KDM5B: variants seen among roughly 807,000 people sequenced by gnomAD.
The protein encoded by KDM5B is lysine-specific demethylase 5B.
In KDM5B, 144 loss-of-function variants were observed where a neutral mutation model predicts 193.4. The observed-to-expected ratio is 0.74, with a 90% CI of 0.65 to 0.86. The LOEUF (loss-of-function observed/expected upper bound fraction) is 0.86. Among genes scored for constraint, KDM5B ranks in the 40% least tolerant of loss-of-function variants. The pLI is 0.00. For synonymous variants in KDM5B, 668 were observed against 682.6 expected (o/e 0.98, Z 0.33); for missense variants, 1,833 against 1,886.9 (o/e 0.97, Z 0.53).
rs754814681 is a variant in KDM5B at position 202,741,494 on chromosome 1, G to A, written c.2818C>T (p.Arg940Cys). 38 of 1,614,092 alleles carry A rather than the reference G, an allele frequency of 2.4e-5. No individual in the cohort carries two copies. Among genetic ancestry groups the A allele is most frequent in the Middle Eastern group, 1.6e-4 (1 of 6,084 alleles). The change falls in exon 19 of 27, where the codon CGT becomes TGT. Residue 940 changes from arginine to cysteine, a missense_variant. Transcript: ENST00000367265. ...AGCCCTACCCCTAGGTCTATGAGAC[G>A]TCTCATATCATCTAAAGTAAGGGAG... ...PSSLTLDDMRRLIDLGVGLAP... is the reference protein window; with the variant it reads ...PSSLTLDDMRCLIDLGVGLAP...
chr1:202,779,260 C>G (rs1657092914), intron 1 of KDM5B, among the ~76,000 whole-genome samples: 1 of 152,054 alleles, frequency 6.6e-6, no homozygotes. Flanking sequence ...GTGACTCACG[C>G]CTGTAATCAC....
In KDM5B at chr1:202,762,775, G is replaced by C. The variant is rs1331329570; in HGVS notation, c.842C>G (p.Pro281Arg). The C allele has an allele frequency of 2.5e-6, 4 of 1,610,740 alleles. No individual in the cohort carries two copies. In the South Asian group the frequency reaches 4.4e-5, roughly 18 times the overall value. Residue 281 changes from proline (P) to arginine (R), a missense_variant, in exon 7 of 27, where the codon CCT (proline) becomes CGT (arginine). Physicochemically the swap from Pro to Arg is moderately radical, Grantham distance 103. Transcript: ENST00000367265. ...TACAATATAATCTTTCCTCTCAATA[G>C]GTTCTTGCTTGATGCTACTCTTCAT... ...KEMKSSIKQEPIERKDYIVEN... is the reference protein window; with the variant it reads ...KEMKSSIKQERIERKDYIVEN...
rs1655534939 is a variant in KDM5B, at chr1:202,745,925, T to A, written c.2256A>T (p.Ala752=). 6.2e-7 allele frequency: 1 copy of A among 1,613,890 alleles called. No homozygotes were observed. The highest frequency in any genetic ancestry group is 8.5e-7 in the Non-Finnish European group (1 of 1,179,846). Reference sequence around the variant, plus strand: ...TCAAGGCCCATTCGTTGTAAGATTCTGCTCGAAGCTTCAATGCATTCATCA... The same window carrying A: ...TCAAGGCCCATTCGTTGTAAGATTCAGCTCGAAGCTTCAATGCATTCATCA... ...YPMMNALKLR[A]ESYNEWALNV... The change falls in exon 16 of 27, where the codon GCA becomes GCT. Residue 752 remains alanine (A), a synonymous_variant. Coordinates refer to ENST00000367265, the MANE Select transcript of KDM5B (RefSeq NM_006618.5).
chr1:202,734,861 T>C (rs1207891152), intron 22 of KDM5B, among the ~76,000 whole-genome samples: 1 of 152,234 alleles, frequency 6.6e-6, no homozygotes, highest in Non-Finnish European at 1.5e-5. Context: ...GTAGCAGGTA[T>C]ACATTCCCAC....
chr1:202,793,240 C>CCAA (rs1243601394), intron 1 of KDM5B, among the ~76,000 whole-genome samples: 1 of 152,178 alleles, frequency 6.6e-6, no homozygotes, highest in Non-Finnish European at 1.5e-5. Flanking sequence ...GCAGCAAAAA[C>CCAA]CAACAAATAT....
intron 1 of KDM5B, 82 bp downstream of exon 1, chr1:202,808,020 G>T: frequency 7.4e-7 from 1 of 1,357,386 alleles, no homozygotes; most frequent in East Asian, 2.7e-5. Flanking sequence ...CCCGCCCCCC[G>T]CGCCTCGGGC....
At chr1:202,795,375 G>A in intron 1 of KDM5B, among the ~76,000 whole-genome samples, 1 of 151,940 alleles carries the variant, frequency 6.6e-6, no homozygotes, top group Non-Finnish European at 1.5e-5. Flanking sequence ...CTAGAAGCTG[G>A]GCGCAGTGGC....
intron 1 of KDM5B, among the ~76,000 whole-genome samples, chr1:202,785,674 A>C (rs540851688): frequency 6.6e-6 from 1 of 152,204 alleles, no homozygotes; most frequent in Admixed American, 6.5e-5. Flanking sequence ...CACTTTGGGA[A>C]GCCAAGGCGG....
intron 1 of KDM5B, among the ~76,000 whole-genome samples, chr1:202,781,182 C>T (rs1251098820): frequency 6.6e-6 from 1 of 152,134 alleles, no homozygotes; most frequent in Non-Finnish European, 1.5e-5. Flanking sequence ...ACCTGTAGTC[C>T]TACCTACTCA....
In KDM5B at chr1:202,773,154, G is replaced by C. The variant is rs201113784; in HGVS notation, c.540C>G (p.Asn180Lys). 5.6e-6 allele frequency: 9 copies of C among 1,613,758 alleles called. No homozygotes were observed. In the East Asian group the frequency reaches 1.8e-4, roughly 32 times the overall value. The change falls in exon 4 of 27, where the codon AAC becomes AAG. Residue 180 changes from asparagine to lysine, a missense_variant. Around this residue, in one of 3 missense-constraint regions of KDM5B, gnomAD observed 355 missense variants for 374.9 expected, o/e 0.95. Transcript: ENST00000367265. ...CTCCGGACAGGAATAAGTTGTAGGG[G>C]TTGAGAATTCGTTCATAATGCCCTC... Reference protein sequence around the residue: ...HIRGHYERILNPYNLFLSGDS... With the variant: ...HIRGHYERILKPYNLFLSGDS...
intron 25 of KDM5B, 98 bp from the exon 26 acceptor site, chr1:202,730,125 TCC>T: frequency 1.0e-6 from 1 of 997,978 alleles, no homozygotes. Context: ...AATCAGATGA[TCC>T]CCCAATCTAC....
At position 202,777,164 on chromosome 1, in the gene KDM5B, T is replaced by C. The variant is rs566818459; in HGVS notation, c.205-70A>G. 1.3e-4 allele frequency: 154 copies of C among 1,215,400 alleles called. No homozygotes were observed. In the African/African-American group the frequency reaches 2.0e-3, roughly 16 times the overall value. The allele number at this position is 1,215,400 out of a possible 1,614,324, so 75.3% of individuals were successfully genotyped here. ...TGACATTCAAAAATTTGTTTTAAAATTAAAACCCAGGTTAGGTAAATCTTA... is the reference window on the plus strand; with the variant it reads ...TGACATTCAAAAATTTGTTTTAAAACTAAAACCCAGGTTAGGTAAATCTTA... On this transcript the variant is annotated intron_variant, in intron 1 of 26. Coordinates refer to ENST00000367265, the MANE Select transcript of KDM5B (RefSeq NM_006618.5).
intron 17 of KDM5B, 53 bp downstream of exon 17, chr1:202,742,602 T>G: frequency 6.2e-7 from 1 of 1,609,492 alleles, no homozygotes; most frequent in Non-Finnish European, 8.5e-7. Context: ...TCACAACAGG[T>G]TTCCAAACAT....
At chr1:202,730,860 A>G in intron 25 of KDM5B, 49 bp downstream of exon 25, 1 of 1,519,056 alleles carries the variant, frequency 6.6e-7, no homozygotes, top group Non-Finnish European at 8.9e-7. Context: ...AATAAAGCAT[A>G]CCCCCACCCC....
At chr1:202,750,838 A>AGCATCTTCTACCAC in intron 12 of KDM5B, 60 bp from the exon 13 acceptor site, 1 of 1,532,066 alleles carries the variant, frequency 6.5e-7, no homozygotes, top group African/African-American at 1.4e-5. Flanking sequence ...GTTACTAAAG[A>AGCATCTTCTACCAC]CAATCTGGAC....
At position 202,774,717 on chromosome 1, in the gene KDM5B, AT is replaced by A. The variant is rs1656865478; in HGVS notation, c.300del (p.Lys100AsnfsTer2). On this transcript the variant is annotated frameshift_variant, in exon 3 of 27. Coordinates refer to ENST00000367265, the MANE Select transcript of KDM5B (RefSeq NM_006618.5). LOFTEE classifies it high-confidence loss of function. ...TTTGCAATCTGGTCCAAGAAATTCA[AT>A]TTTACACGAGTTTGGGCCTAAAAGA... ...LNELEAQTRV[K>X]LNFLDQIAKY... 6.2e-7 allele frequency: 1 copy of A among 1,613,370 alleles called. No homozygotes were observed. Among genetic ancestry groups the A allele is most frequent in the Non-Finnish European group, 8.5e-7 (1 of 1,179,628 alleles).
At chr1:202,805,963 T>A (rs2102356322) in intron 1 of KDM5B, among the ~76,000 whole-genome samples, 1 of 152,314 alleles carries the variant, frequency 6.6e-6, no homozygotes, top group South Asian at 2.1e-4. Flanking sequence ...AGATTATTGG[T>A]GCCTCTTTAA....
At position 202,749,121 on chromosome 1, in the gene KDM5B, A is replaced by G; in HGVS notation, c.1840T>C (p.Cys614Arg). The G allele has an allele frequency of 6.2e-7, 1 of 1,605,870 alleles. No individual in the cohort carries two copies. The change falls in exon 14 of 27, where the codon TGT becomes CGT. Residue 614 changes from cysteine (C) to arginine (R), a missense_variant. By Grantham distance (180) the Cys-to-Arg change is radical. Transcript: ENST00000367265. ...TGAAGCAAGCGATAATGCTCCACACACTGTCGGCCTAATGGCAGCTGTATC... is the reference window on the plus strand; with the variant it reads ...TGAAGCAAGCGATAATGCTCCACACGCTGTCGGCCTAATGGCAGCTGTATC... ...TVDWLPLGRQ[C>R]VEHYRLLHRY...
intron 1 of KDM5B, among the ~76,000 whole-genome samples, chr1:202,777,976 A>G (rs892681259): frequency 2.6e-5 from 4 of 152,040 alleles, no homozygotes; most frequent in Non-Finnish European, 5.9e-5. Flanking sequence ...GGAGTTCAAG[A>G]CCAGCCTGAC....
Sources: allele counts gnomAD v4.1 joint callset (sites outside exome capture counted in the v4.1 genomes callset), GRCh38; gene constraint gnomAD v4.1.1; regional missense constraint gnomAD v4.1.1; transcripts MANE v1.5; gene names NCBI Gene and HGNC (gene_info 2026-07-23, HGNC 2026-07-21).